The following UBE2E2 variants were observed in gnomAD, a reference collection of about 807,000 sequenced individuals.
UBE2E2 encodes the protein ubiquitin conjugating enzyme E2 E2, also known as ubiquitin-conjugating enzyme E2 E2.
UBE2E2 carries 6 observed loss-of-function variants against 24.7 expected under a neutral mutation model. That is an observed-to-expected ratio of 0.24 (90% CI 0.13 to 0.48). The LOEUF is 0.48. UBE2E2 is among the 20% of genes least tolerant of loss of function. UBE2E2 has a pLI of 0.99. For missense variants in UBE2E2, 169 were observed against 245.0 expected (o/e 0.69, Z 2.07); for synonymous variants, 104 against 83.6 (o/e 1.24, Z -1.33).
At chr3:23,485,350 T>A (rs1699342572) in intron 3 of UBE2E2, among the ~76,000 whole-genome samples, 1 of 151,994 alleles carries the variant, frequency 6.6e-6, no homozygotes, top group Admixed American at 6.6e-5. Context: ...CCCACCTCGG[T>A]CCTCCCAAAG....
intron 1 of UBE2E2, chr3:23,204,881 A>G (rs1696104001): frequency 1.9e-6 from 1 of 536,342 alleles, no homozygotes; most frequent in Non-Finnish European, 2.4e-6. Flanking sequence ...ATAAAAGCTT[A>G]AATGAACACT....
intron 3 of UBE2E2, among the ~76,000 whole-genome samples, chr3:23,292,364 T>C (rs867207987): frequency 1.3e-5 from 2 of 152,342 alleles, no homozygotes; most frequent in South Asian, 2.1e-4. Context: ...ATATTCGTTA[T>C]GTACCTTTCT....
intron 3 of UBE2E2, among the ~76,000 whole-genome samples, chr3:23,318,265 A>G (rs1342786557): frequency 2.0e-5 from 3 of 152,164 alleles, no homozygotes; most frequent in African/African-American, 7.2e-5. Flanking sequence ...CCCAGGCTCA[A>G]GTGATTCTTC....
intron 3 of UBE2E2, among the ~76,000 whole-genome samples, chr3:23,384,409 C>T (rs1696753631): frequency 6.6e-6 from 1 of 152,090 alleles, no homozygotes; most frequent in Admixed American, 6.6e-5. Context: ...AGCAGTCTTG[C>T]CACCCCAGCC....
At chr3:23,470,050 G>T (rs1034122460) in intron 3 of UBE2E2, among the ~76,000 whole-genome samples, 10 of 152,130 alleles carry the variant, frequency 6.6e-5, no homozygotes, top group Non-Finnish European at 1.2e-4. Context: ...CTGGCACATG[G>T]GAAGACTTAA....
chr3:23,471,946 A>AC (rs1699039953), intron 3 of UBE2E2, among the ~76,000 whole-genome samples: 1 of 152,020 alleles, frequency 6.6e-6, no homozygotes, highest in South Asian at 2.1e-4. Context: ...ATCTTTAAAA[A>AC]AAAAAAAAGG....
chr3:23,273,959 C>G (rs938178389), intron 3 of UBE2E2: 1 of 152,170 alleles, frequency 6.6e-6, no homozygotes, highest in Non-Finnish European at 1.5e-5. Flanking sequence ...CAGATGTTAA[C>G]AAACTTGATT....
At chr3:23,414,650 G>A (rs995873394) in intron 3 of UBE2E2, among the ~76,000 whole-genome samples, 1 of 152,158 alleles carries the variant, frequency 6.6e-6, no homozygotes, top group African/African-American at 2.4e-5. Flanking sequence ...GCTATGATAT[G>A]TGTCTCCTCA....
chr3:23,521,094 C>T (rs1348136050), intron 4 of UBE2E2, among the ~76,000 whole-genome samples: 2 of 152,176 alleles, frequency 1.3e-5, no homozygotes, highest in African/African-American at 4.8e-5. Flanking sequence ...AAATAAATAA[C>T]TGACCCTTCA....
chr3:23,555,759 G>A (rs943111585), intron 5 of UBE2E2, among the ~76,000 whole-genome samples: 1 of 152,166 alleles, frequency 6.6e-6, no homozygotes, highest in African/African-American at 2.4e-5. Flanking sequence ...ATTATGCTGA[G>A]TGAAATAAGC....
intron 3 of UBE2E2, among the ~76,000 whole-genome samples, chr3:23,338,841 G>A (rs988408984): frequency 8.5e-5 from 13 of 152,130 alleles, no homozygotes; most frequent in African/African-American, 2.7e-4. Flanking sequence ...ATTCCAATTA[G>A]TAAATGAAGA....
chr3:23,528,603 C>T (rs369418077), intron 4 of UBE2E2, among the ~76,000 whole-genome samples: 6 of 152,170 alleles, frequency 3.9e-5, no homozygotes, highest in Non-Finnish European at 8.8e-5. Context: ...ACCTAGTTCC[C>T]GCCCCAAGGT....
intron 3 of UBE2E2, among the ~76,000 whole-genome samples, chr3:23,229,982 C>A (rs577863657): frequency 3.5e-4 from 53 of 152,192 alleles, no homozygotes; most frequent in Admixed American, 1.2e-3. Context: ...ACTACGAGGT[C>A]ATTTTGATGG....
At chr3:23,502,234 CT>C (rs34962134) in intron 4 of UBE2E2, among the ~76,000 whole-genome samples, 101,006 of 143,698 alleles carry the variant, frequency 0.7, 35,764 homozygotes, top group Admixed American at 0.8. Flanking sequence ...CTCTTTTGCT[CT>C]TTTTTTTTTT....
chr3:23,551,954 G>A (rs1234877065), intron 5 of UBE2E2, among the ~76,000 whole-genome samples: 1 of 152,152 alleles, frequency 6.6e-6, no homozygotes, highest in Non-Finnish European at 1.5e-5. Flanking sequence ...GATCCAATGG[G>A]ATTCATGTCC....
chr3:23,392,612 T>C (rs1019094478), intron 3 of UBE2E2, among the ~76,000 whole-genome samples: 2 of 152,178 alleles, frequency 1.3e-5, no homozygotes, highest in African/African-American at 4.8e-5. Flanking sequence ...TAGAACAGAA[T>C]ATTGCATGGT....
chr3:23,240,713 G>A (rs1697238447), intron 3 of UBE2E2, among the ~76,000 whole-genome samples: 1 of 152,188 alleles, frequency 6.6e-6, no homozygotes, highest in African/African-American at 2.4e-5. Flanking sequence ...TTGTTGAGCT[G>A]TGATTAAGAT....
chr3:23,252,178 CA>C (rs1455751679), intron 3 of UBE2E2, among the ~76,000 whole-genome samples: 1 of 152,096 alleles, frequency 6.6e-6, no homozygotes, highest in Non-Finnish European at 1.5e-5. Flanking sequence ...GTTGTGTATA[CA>C]TACATATTTT....
intron 3 of UBE2E2, among the ~76,000 whole-genome samples, chr3:23,428,800 AAAT>A (rs1326852695): frequency 2.0e-5 from 3 of 151,800 alleles, no homozygotes; most frequent in African/African-American, 7.3e-5. Context: ...TTTCTACAAA[AAAT>A]AGCCTGGTGC....
Sources: allele counts gnomAD v4.1 joint callset (sites outside exome capture counted in the v4.1 genomes callset), GRCh38; gene constraint gnomAD v4.1.1; transcripts MANE v1.5; gene names NCBI Gene and HGNC (gene_info 2026-07-23, HGNC 2026-07-21).